PDGFD: variants seen among roughly 807,000 people sequenced by gnomAD.
PDGFD encodes the protein platelet-derived growth factor D.
PDGFD carries 30 observed loss-of-function variants against 44.7 expected under a neutral mutation model. The observed-to-expected ratio is 0.67, with a 90% CI of 0.50 to 0.91. The LOEUF is 0.91. Among genes scored for constraint, PDGFD ranks in the 40% least tolerant of loss-of-function variants. The pLI, the probability that PDGFD is intolerant of heterozygous loss-of-function variation, is 0.00. For missense variants in PDGFD, 445 were observed against 457.8 expected, an observed-to-expected ratio of 0.97 and a Z score of 0.25; for synonymous variants, 173 against 168.4, an observed-to-expected ratio of 1.03 and a Z score of -0.21.
At chr11:104,072,334 A>G (rs1273013089) in intron 1 of PDGFD, among the ~76,000 whole-genome samples, 2 of 151,760 alleles carry the variant, frequency 1.3e-5, no homozygotes, top group Admixed American at 1.3e-4. Context: ...TTTTTCCTGT[A>G]GATTTTATTT....
intron 1 of PDGFD, among the ~76,000 whole-genome samples, chr11:104,058,090 A>C (rs1860650547): frequency 6.6e-6 from 1 of 152,188 alleles, no homozygotes; most frequent in East Asian, 1.9e-4. Context: ...AATTGTGACA[A>C]AGATTAGTCA....
At chr11:104,036,865 G>A in intron 1 of PDGFD, 6 of 1,614,096 alleles carry the variant, frequency 3.7e-6, no homozygotes, top group Non-Finnish European at 5.1e-6. Flanking sequence ...CCTCTCCGAG[G>A]TCACCTTCTC....
Position 103,909,642 on chromosome 11 carries a change from C to T in PDGFD, c.*52G>A. On this transcript the variant is annotated 3_prime_UTR_variant, in exon 7 of 7. Coordinates refer to ENST00000393158, the MANE Select transcript of PDGFD (RefSeq NM_025208.5). ...TAGGAAAAGGGTCTCTTATCTCACC[C>T]TCCTTAAACTAAAGGTTCTTTCAGG... 6.2e-7 allele frequency: 1 copy of T among 1,605,792 alleles called. No individual in the cohort carries two copies. The highest frequency in any genetic ancestry group is 8.5e-7 in the Non-Finnish European group (1 of 1,173,070).
intron 5 of PDGFD, among the ~76,000 whole-genome samples, chr11:103,930,197 A>C (rs1380022490): frequency 6.6e-6 from 1 of 152,156 alleles, no homozygotes; most frequent in African/African-American, 2.4e-5. Context: ...TGTCCTCAAA[A>C]ACTTCCTTTG....
intron 1 of PDGFD, among the ~76,000 whole-genome samples, chr11:104,141,982 A>G (rs1565347158): frequency 1.3e-5 from 2 of 152,196 alleles, no homozygotes; most frequent in Admixed American, 6.5e-5. Context: ...CTTGAATTCC[A>G]TTTCCAATTG....
chr11:104,098,028 A>G (rs1045779053), intron 1 of PDGFD, among the ~76,000 whole-genome samples: 3 of 152,210 alleles, frequency 2.0e-5, no homozygotes, highest in African/African-American at 4.8e-5. Flanking sequence ...TAATTAGAAA[A>G]GAGGATTTCC....
intron 1 of PDGFD, among the ~76,000 whole-genome samples, chr11:104,023,941 A>T (rs1247152303): frequency 6.6e-6 from 1 of 152,206 alleles, no homozygotes; most frequent in East Asian, 1.9e-4. Flanking sequence ...TAAGAAAAAA[A>T]GGTGGACAAA....
At position 103,909,444 on chromosome 11, in the gene PDGFD, G is replaced by A. The variant is rs1248729275; in HGVS notation, c.*250C>T. ...CATAGACATGAATATATTTCTGTGT[G>A]TGTTTGTGCATATATAACCTCAAAC... On this transcript the variant is annotated 3_prime_UTR_variant, in exon 7 of 7. Coordinates refer to ENST00000393158, the MANE Select transcript of PDGFD (RefSeq NM_025208.5). 9 of 433,944 alleles carry A rather than the reference G, an allele frequency of 2.1e-5. No individual in the cohort carries two copies. Among genetic ancestry groups the A allele is most frequent in the Non-Finnish European group, 3.8e-5 (9 of 237,200 alleles). 26.9% of individuals were successfully genotyped at this position (433,944 alleles called of 1,614,324 possible).
chr11:104,035,566 T>C (rs11226124), intron 1 of PDGFD, among the ~76,000 whole-genome samples: 18 of 62,336 alleles, frequency 2.9e-4, no homozygotes, highest in Middle Eastern at 5.3e-3. Flanking sequence ...TTTTTCTTTT[T>C]TTTTTTTTTT....
Position 103,916,648 on chromosome 11 carries a change from T to C in PDGFD, c.988-6829A>G, listed in dbSNP as rs149669567. 3.0e-3 allele frequency among the ~76,000 whole-genome samples: 459 copies of C among 152,302 alleles called. 2 individuals are homozygous for C. The highest frequency in any genetic ancestry group is 0.011 in the African/African-American group (442 of 41,554). ...AAAGACACATGCACACATATGTTTATTGCAGCACTGATCACAATAGCAAAG... is the reference window on the plus strand; with the variant it reads ...AAAGACACATGCACACATATGTTTACTGCAGCACTGATCACAATAGCAAAG... On this transcript the variant is annotated intron_variant, in intron 6 of 6. Coordinates refer to ENST00000393158, the MANE Select transcript of PDGFD (RefSeq NM_025208.5).
chr11:104,065,283 T>C (rs185222683), intron 1 of PDGFD, among the ~76,000 whole-genome samples: 1 of 152,272 alleles, frequency 6.6e-6, no homozygotes, highest in East Asian at 1.9e-4. Context: ...TATCCTATTA[T>C]TTCTGTCCCT....
Position 103,917,046 on chromosome 11 carries a change from C to T in PDGFD, c.988-7227G>A, listed in dbSNP as rs1858137847. Among the ~76,000 whole-genome samples the T allele has an allele frequency of 2.6e-5, 4 of 151,910 alleles. No individual in the cohort carries two copies. In the South Asian group the frequency reaches 6.2e-4, roughly 24 times the overall value. The stretch of plus-strand genomic sequence containing the variant: ...GCACATGTATACCTATGTAACAAAC[C>T]TGCACATTCTGCACATGTACCCCAC... On this transcript the variant is annotated intron_variant, in intron 6 of 6. Coordinates refer to ENST00000393158, the MANE Select transcript of PDGFD (RefSeq NM_025208.5).
chr11:104,095,774 T>C (rs1861276474), intron 1 of PDGFD, among the ~76,000 whole-genome samples: 1 of 152,180 alleles, frequency 6.6e-6, no homozygotes, highest in Admixed American at 6.5e-5. Flanking sequence ...TGTTAGTGTT[T>C]GGAAAGGCCA....
intron 1 of PDGFD, among the ~76,000 whole-genome samples, chr11:104,062,549 G>T (rs1860731710): frequency 6.6e-6 from 1 of 152,240 alleles, no homozygotes; most frequent in East Asian, 1.9e-4. Context: ...CAATACCTCA[G>T]AATACGTTAG....
At chr11:104,003,811 T>G (rs1263936819) in intron 1 of PDGFD, among the ~76,000 whole-genome samples, 2 of 152,098 alleles carry the variant, frequency 1.3e-5, no homozygotes, top group African/African-American at 4.8e-5. Flanking sequence ...TCTCAAGAAG[T>G]GTCCTGAGAA....
rs1862061831 is a variant in PDGFD at position 104,139,928 on chromosome 11, C to T, written c.124+23876G>A. Among the ~76,000 whole-genome samples the T allele has an allele frequency of 1.8e-4, 13 of 70,322 alleles. 3 individuals carry two copies. The South Asian group carries it at 5.2e-3, about 28-fold the overall frequency. 46.1% of individuals were successfully genotyped at this position (70,322 alleles called of 152,430 possible). On this transcript the variant is annotated intron_variant, in intron 1 of 6. Coordinates refer to ENST00000393158, the MANE Select transcript of PDGFD (RefSeq NM_025208.5). The stretch of plus-strand genomic sequence containing the variant: ...ACAAAAAATTAGCCGGGCGCGGTGG[C>T]GGGCGCCTGTAGTCCCAGCTACTCG...
chr11:104,014,880 A>G (rs1349240088), intron 1 of PDGFD, among the ~76,000 whole-genome samples: 2 of 152,314 alleles, frequency 1.3e-5, no homozygotes, highest in African/African-American at 2.4e-5. Flanking sequence ...ACAAGACCCA[A>G]AGTAATTCCT....
intron 1 of PDGFD, among the ~76,000 whole-genome samples, chr11:104,143,121 A>G (rs1862110199): frequency 6.6e-6 from 1 of 152,300 alleles, no homozygotes; most frequent in South Asian, 2.1e-4. Flanking sequence ...ATTCTGTATG[A>G]AAAAATTTTC....
intron 1 of PDGFD, among the ~76,000 whole-genome samples, chr11:104,014,392 G>C (rs1859829735): frequency 6.6e-6 from 1 of 152,262 alleles, no homozygotes; most frequent in South Asian, 2.1e-4. Context: ...GTGACTTGGG[G>C]AGCTGAGGCT....
Sources: gnomAD v4.1 joint callset for allele counts (sites outside exome capture counted in the v4.1 genomes callset) on GRCh38, gnomAD v4.1.1 for gene constraint, MANE v1.5 for transcripts, NCBI Gene and HGNC (gene_info 2026-07-23, HGNC 2026-07-21) for gene names.